TCF12: variants seen among roughly 807,000 people sequenced by gnomAD.
The protein encoded by TCF12 is DNA-binding protein HTF4.
In TCF12, 45 loss-of-function variants were observed where a neutral mutation model predicts 86.0. The ratio of observed to expected loss-of-function variants is 0.52; its 90% CI spans 0.41 to 0.67. TCF12 has a LOEUF of 0.67. Among genes scored for constraint, TCF12 ranks in the 30% least tolerant of loss-of-function variants. TCF12 has a pLI of 0.00. For synonymous variants in TCF12, 330 were observed against 299.6 expected (o/e 1.10, Z -1.05); for missense variants, 881 against 859.9 (o/e 1.02, Z -0.31).
At chr15:56,983,539 T>G (rs1299767844) in intron 3 of TCF12, among the ~76,000 whole-genome samples, 1 of 152,222 alleles carries the variant, frequency 6.6e-6, no homozygotes, top group African/African-American at 2.4e-5. Context: ...TGGTAAATAC[T>G]ATATATTATG....
At chr15:57,205,694 G>A (rs1057506098) in intron 8 of TCF12, among the ~76,000 whole-genome samples, 2 of 152,172 alleles carry the variant, frequency 1.3e-5, no homozygotes, top group African/African-American at 2.4e-5. Flanking sequence ...CAGTTTAGTC[G>A]TTAAGTGAAA....
chr15:57,108,927 A>G (rs1268758731), intron 5 of TCF12, among the ~76,000 whole-genome samples: 4 of 152,218 alleles, frequency 2.6e-5, no homozygotes, highest in South Asian at 2.1e-4. Context: ...TTAAAATTAT[A>G]ATAAACTATG....
intron 5 of TCF12, among the ~76,000 whole-genome samples, chr15:57,100,705 T>G (rs114181302): frequency 0.018 from 2,736 of 152,238 alleles, 92 homozygotes; most frequent in African/African-American, 0.059. Flanking sequence ...AGAATAGAAG[T>G]AGGGGGAGGT....
chr15:57,064,597 C>T (rs889644842), intron 4 of TCF12, among the ~76,000 whole-genome samples: 5 of 152,016 alleles, frequency 3.3e-5, no homozygotes, highest in Non-Finnish European at 7.4e-5. Flanking sequence ...AAGTTCGAGT[C>T]CAGCCTAGCC....
intron 6 of TCF12, among the ~76,000 whole-genome samples, chr15:57,177,898 A>T (rs1405769797): frequency 6.6e-6 from 1 of 151,650 alleles, no homozygotes; most frequent in Non-Finnish European, 1.5e-5. Flanking sequence ...TTAGGTAGAG[A>T]TGGGGTTTTG....
At position 57,262,077 on chromosome 15, in the gene TCF12, G is replaced by A; in HGVS notation, c.1468-17G>A. 2 of 1,558,254 alleles carry A rather than the reference G, an allele frequency of 1.3e-6. No individual in the cohort carries two copies. The highest frequency in any genetic ancestry group is 1.8e-6 in the Non-Finnish European group (2 of 1,142,280). ...TATCTTAATCTTTTTTTATTTTTGGGTTTTCCTTAACTTTAGGTTGGAACT... is the reference window on the plus strand; with the variant it reads ...TATCTTAATCTTTTTTTATTTTTGGATTTTCCTTAACTTTAGGTTGGAACT... On this transcript the variant is annotated splice_polypyrimidine_tract_variant and intron_variant, in intron 16 of 20. Coordinates refer to ENST00000333725, the MANE Select transcript of TCF12 (RefSeq NM_207037.2).
intron 11 of TCF12, 48 bp from the exon 12 acceptor site, chr15:57,233,992 TATA>T: frequency 4.0e-6 from 6 of 1,495,588 alleles, no homozygotes; most frequent in Non-Finnish European, 5.6e-6. Flanking sequence ...AGTGCTAAAA[TATA>T]ATACTTGCTT....
At chr15:57,223,766 C>T (rs1358185910) in intron 8 of TCF12, among the ~76,000 whole-genome samples, 2 of 147,206 alleles carry the variant, frequency 1.4e-5, no homozygotes, top group African/African-American at 2.5e-5. Flanking sequence ...GAACAGAAAC[C>T]GATGTGACTG....
chr15:56,971,639 G>T (rs1292250659), intron 3 of TCF12, among the ~76,000 whole-genome samples: 1 of 152,156 alleles, frequency 6.6e-6, no homozygotes, highest in Non-Finnish European at 1.5e-5. Flanking sequence ...TTCATATTCT[G>T]TTGGAGTGGG....
chr15:56,962,153 AAAT>A (rs199745884), intron 3 of TCF12, among the ~76,000 whole-genome samples: 20,234 of 143,172 alleles, frequency 0.14, 1,540 homozygotes, highest in Non-Finnish European at 0.2. Flanking sequence ...AAAAAAAAAA[AAAT>A]ATGTTTAATG....
chr15:57,195,145 C>T (rs1435979916), intron 7 of TCF12, among the ~76,000 whole-genome samples: 1 of 152,172 alleles, frequency 6.6e-6, no homozygotes, highest in African/African-American at 2.4e-5. Context: ...TCAAGTGGTC[C>T]TCCTGCCTTG....
chr15:57,002,207 T>G (rs2064086278), intron 3 of TCF12, among the ~76,000 whole-genome samples: 1 of 152,124 alleles, frequency 6.6e-6, no homozygotes, highest in Non-Finnish European at 1.5e-5. Flanking sequence ...GTGTGCAAGA[T>G]GAAGAGATGG....
At chr15:56,976,211 T>C (rs2062590255) in intron 3 of TCF12, among the ~76,000 whole-genome samples, 1 of 145,080 alleles carries the variant, frequency 6.9e-6, no homozygotes, top group Non-Finnish European at 1.5e-5. Flanking sequence ...AAATAGTAGA[T>C]AAAAGGAAGT....
At chr15:57,232,170 G>T in intron 9 of TCF12, 121 bp from the exon 10 acceptor site, 3 of 1,006,712 alleles carry the variant, frequency 3.0e-6, no homozygotes, top group Non-Finnish European at 4.5e-6. Context: ...GTGGGTAGAA[G>T]ACTAGGTTGG....
intron 3 of TCF12, among the ~76,000 whole-genome samples, chr15:57,017,007 A>C (rs1449744293): frequency 1.3e-5 from 2 of 152,152 alleles, no homozygotes; most frequent in Non-Finnish European, 2.9e-5. Context: ...GGATAAGGGA[A>C]CTGATGCAAA....
chr15:57,052,145 C>T (rs1409770608), intron 3 of TCF12, among the ~76,000 whole-genome samples: 2 of 152,188 alleles, frequency 1.3e-5, no homozygotes, highest in East Asian at 3.8e-4. Flanking sequence ...CATATGTACA[C>T]TCATACATAT....
At chr15:56,982,896 A>G (rs2062963365) in intron 3 of TCF12, among the ~76,000 whole-genome samples, 1 of 152,222 alleles carries the variant, frequency 6.6e-6, no homozygotes, top group Non-Finnish European at 1.5e-5. Flanking sequence ...CTTTTGAAGT[A>G]GCATCAGAGT....
At chr15:57,091,755 T>A in intron 4 of TCF12, 34 bp from the exon 5 acceptor site, 3 of 1,529,418 alleles carry the variant, frequency 2.0e-6, no homozygotes, top group Non-Finnish European at 2.7e-6. Flanking sequence ...TGCCAAATAA[T>A]CTCTTTAATA....
At chr15:57,276,002 C>A (rs950472517) in intron 19 of TCF12, among the ~76,000 whole-genome samples, 6 of 152,202 alleles carry the variant, frequency 3.9e-5, no homozygotes, top group African/African-American at 1.4e-4. Context: ...GTACCTTTGC[C>A]ATTTTTATTC....
Sources: allele counts gnomAD v4.1 joint callset (sites outside exome capture counted in the v4.1 genomes callset), GRCh38; gene constraint gnomAD v4.1.1; transcripts MANE v1.5; gene names NCBI Gene and HGNC (gene_info 2026-07-23, HGNC 2026-07-21).